Variants in SMAP1 observed in about 807,000 individuals in gnomAD.
The protein encoded by SMAP1 is small ArfGAP 1.
A neutral mutation model predicts 58.5 loss-of-function variants in SMAP1; 24 were observed. That is an observed-to-expected ratio of 0.41 (90% CI 0.30 to 0.58). The LOEUF (loss-of-function observed/expected upper bound fraction) is 0.58, where lower values mean the gene tolerates loss of function less well. Ranked by LOEUF, SMAP1 falls within the 20% of genes least tolerant of loss-of-function variation. SMAP1 has a pLI of 0.29. For synonymous variants in SMAP1, 216 were observed against 196.6 expected, an observed-to-expected ratio of 1.10 and a Z score of -0.82; for missense variants, 563 against 566.3, an observed-to-expected ratio of 0.99 and a Z score of 0.06.
chr6:70,760,247 A>G (rs1028922683), intron 3 of SMAP1, among the ~76,000 whole-genome samples: 4 of 152,072 alleles, frequency 2.6e-5, no homozygotes, highest in African/African-American at 9.7e-5. Context: ...TTTTGGATTA[A>G]CTATATATTT....
chr6:70,753,008 A>G (rs1285447464), intron 2 of SMAP1, among the ~76,000 whole-genome samples: 2 of 152,080 alleles, frequency 1.3e-5, no homozygotes, highest in African/African-American at 4.8e-5. Context: ...AACAGTGTTT[A>G]ATAGTTTGGT....
chr6:70,674,231 G>C (rs1156323963), intron 1 of SMAP1, among the ~76,000 whole-genome samples: 1 of 151,614 alleles, frequency 6.6e-6, no homozygotes, highest in Non-Finnish European at 1.5e-5. Context: ...TCCCACCTCA[G>C]CCTCTCAAGT....
intron 7 of SMAP1, among the ~76,000 whole-genome samples, chr6:70,837,517 A>G (rs748255925): frequency 7.9e-5 from 12 of 152,134 alleles, no homozygotes; most frequent in Admixed American, 1.3e-4. Context: ...AACTTATTCA[A>G]TGAGAATAAG....
chr6:70,835,671 T>A (rs1213942747), intron 6 of SMAP1, among the ~76,000 whole-genome samples: 1 of 152,064 alleles, frequency 6.6e-6, no homozygotes, highest in East Asian at 1.9e-4. Context: ...CACACCCAGC[T>A]AATTTTTTCA....
chr6:70,683,711 C>A (rs1161621714), intron 1 of SMAP1, among the ~76,000 whole-genome samples: 1 of 152,120 alleles, frequency 6.6e-6, no homozygotes, highest in Admixed American at 6.6e-5. Context: ...AAAATATTTT[C>A]AGTTTCAGAT....
intron 3 of SMAP1, among the ~76,000 whole-genome samples, chr6:70,771,425 C>CTGTGT (rs1767303619): frequency 1.3e-5 from 2 of 152,370 alleles, no homozygotes; most frequent in African/African-American, 4.8e-5. Flanking sequence ...TTCCAGGCTG[C>CTGTGT]TTTGTTTACC....
chr6:70,860,738 T>TG lies in SMAP1; in HGVS notation c.*405dup. ...AGTAATCCTGTAGGAAGGTACTGTA[T>TG]GATCAAATGTTTAATCATATAAATA... On this transcript the variant is annotated 3_prime_UTR_variant, in exon 11 of 11. Coordinates refer to ENST00000370455, the MANE Select transcript of SMAP1 (RefSeq NM_001044305.3). 1 of 401,208 alleles carries TG rather than the reference T, an allele frequency of 2.5e-6. No individual in the cohort carries two copies. The highest frequency in any genetic ancestry group is 4.3e-5 in the Admixed American group (1 of 23,294). 24.9% of individuals were successfully genotyped at this position (401,208 alleles called of 1,614,324 possible).
intron 1 of SMAP1, among the ~76,000 whole-genome samples, chr6:70,726,445 A>T (rs1365074588): frequency 6.6e-6 from 1 of 152,248 alleles, no homozygotes; most frequent in African/African-American, 2.4e-5. Flanking sequence ...AGTCATTGTG[A>T]TAAATGTTAT....
intron 2 of SMAP1, among the ~76,000 whole-genome samples, chr6:70,733,858 T>C (rs1004092760): frequency 1.3e-5 from 2 of 152,210 alleles, no homozygotes; most frequent in Non-Finnish European, 2.9e-5. Context: ...AGAAATATTT[T>C]TCTCAATTAG....
intron 1 of SMAP1, among the ~76,000 whole-genome samples, chr6:70,708,110 C>T (rs1767911876): frequency 6.6e-6 from 1 of 152,142 alleles, no homozygotes; most frequent in African/African-American, 2.4e-5. Context: ...CCTTTGACCT[C>T]CCTCTTCCTG....
intron 7 of SMAP1, chr6:70,837,666 CTCTT>C: frequency 2.4e-6 from 1 of 421,130 alleles, no homozygotes; most frequent in Non-Finnish European, 3.3e-6. Flanking sequence ...TTCTCTCTCT[CTCTT>C]TTTTTTTTTT....
At chr6:70,749,443 G>A (rs889718769) in intron 2 of SMAP1, among the ~76,000 whole-genome samples, 1 of 152,198 alleles carries the variant, frequency 6.6e-6, no homozygotes, top group Non-Finnish European at 1.5e-5. Context: ...ACATAGGCAT[G>A]TGGCATCCTT....
chr6:70,755,943 G>A (rs993629778), intron 3 of SMAP1, among the ~76,000 whole-genome samples: 1 of 151,998 alleles, frequency 6.6e-6, no homozygotes, highest in Non-Finnish European at 1.5e-5. Flanking sequence ...GTTGTAGGTT[G>A]CACAACTATG....
chr6:70,820,376 A>G (rs908888101), intron 6 of SMAP1, among the ~76,000 whole-genome samples: 2 of 152,182 alleles, frequency 1.3e-5, no homozygotes, highest in Non-Finnish European at 2.9e-5. Context: ...TGTGATAACT[A>G]TGGTATGCCT....
At chr6:70,746,819 A>G (rs1355916058) in intron 2 of SMAP1, among the ~76,000 whole-genome samples, 3 of 151,914 alleles carry the variant, frequency 2.0e-5, no homozygotes, top group South Asian at 2.1e-4. Flanking sequence ...TTTTTGGTTG[A>G]TAGGCTATTA....
chr6:70,809,125 A>C (rs1221597118), intron 6 of SMAP1, among the ~76,000 whole-genome samples: 1 of 152,210 alleles, frequency 6.6e-6, no homozygotes, highest in East Asian at 1.9e-4. Context: ...CAATTCACAA[A>C]GTATATAAAA....
chr6:70,834,988 G>A (rs34856219), intron 6 of SMAP1, among the ~76,000 whole-genome samples: 2 of 151,844 alleles, frequency 1.3e-5, no homozygotes, highest in East Asian at 1.9e-4. Flanking sequence ...AGTGGCTCAC[G>A]CCTGTAATCC....
At chr6:70,845,533 T>C (rs1210856625) in intron 7 of SMAP1, among the ~76,000 whole-genome samples, 1 of 152,252 alleles carries the variant, frequency 6.6e-6, no homozygotes, top group East Asian at 1.9e-4. Flanking sequence ...AATAAGTTTA[T>C]TTTGTACTAT....
intron 1 of SMAP1, among the ~76,000 whole-genome samples, chr6:70,701,440 G>T (rs1021743735): frequency 1.3e-5 from 2 of 152,172 alleles, no homozygotes; most frequent in African/African-American, 4.8e-5. Context: ...CTTGCCTAGG[G>T]ATTGCAGTCC....
Sources: allele counts gnomAD v4.1 joint callset (sites outside exome capture counted in the v4.1 genomes callset), GRCh38; gene constraint gnomAD v4.1.1; transcripts MANE v1.5; gene names NCBI Gene and HGNC (gene_info 2026-07-23, HGNC 2026-07-21).